Variants in SPATA22 observed in about 807,000 individuals in gnomAD.
The protein encoded by SPATA22 is spermatogenesis associated 22, also known as spermatogenesis-associated protein 22.
Under a neutral mutation model 47.8 loss-of-function variants are expected in SPATA22, and 29 were observed. The observed-to-expected ratio is 0.61, with a 90% confidence interval of 0.45 to 0.83. The LOEUF (loss-of-function observed/expected upper bound fraction) is 0.83. SPATA22 is among the 40% of genes least tolerant of loss of function. The pLI, the probability that SPATA22 is intolerant of heterozygous loss-of-function variation, is 0.00. For missense variants in SPATA22, 410 were observed against 421.7 expected (o/e 0.97, Z 0.24); for synonymous variants, 133 against 140.9 (o/e 0.94, Z 0.40).
chr17:3,504,323 A>C (rs75797569), intron 1 of SPATA22, among the ~76,000 whole-genome samples: 33,254 of 152,058 alleles, frequency 0.22, 3,924 homozygotes, highest in Non-Finnish European at 0.27. Context: ...ATAAATGAGC[A>C]TGCTCAAACA....
At chr17:3,471,181 G>A (rs2073425477) in intron 1 of SPATA22, among the ~76,000 whole-genome samples, 1 of 151,976 alleles carries the variant, frequency 6.6e-6, no homozygotes, top group African/African-American at 2.4e-5. Context: ...AGGAAGGGAG[G>A]GAGGGAAGGG....
At chr17:3,498,667 C>A (rs1052352993) in intron 1 of SPATA22, among the ~76,000 whole-genome samples, 1 of 152,150 alleles carries the variant, frequency 6.6e-6, no homozygotes, top group African/African-American at 2.4e-5. Flanking sequence ...GTTAATTACA[C>A]GTTTCAATTA....
At chr17:3,506,605 A>C (rs762670887) in intron 1 of SPATA22, among the ~76,000 whole-genome samples, 10 of 152,220 alleles carry the variant, frequency 6.6e-5, no homozygotes, top group Non-Finnish European at 8.8e-5. Flanking sequence ...GCTCAAGAGC[A>C]TAGAGAGCAT....
intron 1 of SPATA22, among the ~76,000 whole-genome samples, chr17:3,507,802 T>C (rs1443665328): frequency 1.3e-5 from 2 of 152,210 alleles, no homozygotes; most frequent in Non-Finnish European, 2.9e-5. Flanking sequence ...GAAGGAATCC[T>C]TTGGGGAGGT....
intron 1 of SPATA22, among the ~76,000 whole-genome samples, chr17:3,483,970 T>A (rs768948382): frequency 3.3e-5 from 5 of 152,132 alleles, no homozygotes; most frequent in African/African-American, 9.7e-5. Flanking sequence ...AAATTATTTT[T>A]AAAAAAACAT....
At position 3,490,923 on chromosome 17, in the gene SPATA22, G is replaced by C. The variant is rs2150755116; in HGVS notation, c.-73-21525C>G. Among the ~76,000 whole-genome samples the C allele has an allele frequency of 6.6e-6, 1 of 152,212 alleles. No homozygotes were observed. The highest frequency in any genetic ancestry group is 1.9e-4 in the East Asian group (1 of 5,174). On this transcript the variant is annotated intron_variant, in intron 1 of 8. Coordinates refer to the SPATA22 transcript ENST00000541913. The surrounding 1 kb of genome is among the most constrained non-coding windows in gnomAD (Gnocchi z 4.6). ...TGTGTAACATTTCATTTAAGCAAAG[G>C]ATTCGGCAAATCAAAAATTGTCAAC...
At chr17:3,497,186 G>A (rs997233252) in intron 1 of SPATA22, among the ~76,000 whole-genome samples, 1 of 152,190 alleles carries the variant, frequency 6.6e-6, no homozygotes, top group Admixed American at 6.5e-5. Flanking sequence ...CTCAGGTCTG[G>A]ATAGCACTGC....
chr17:3,466,006 C>G (rs1034886975), intron 3 of SPATA22, among the ~76,000 whole-genome samples: 4 of 151,260 alleles, frequency 2.6e-5, no homozygotes, highest in Admixed American at 2.0e-4. Flanking sequence ...TGGAGTATGA[C>G]CAGATAAATG....
At chr17:3,484,403 C>A (rs914366537) in intron 1 of SPATA22, among the ~76,000 whole-genome samples, 5 of 152,036 alleles carry the variant, frequency 3.3e-5, no homozygotes. Context: ...GTGATAAATG[C>A]TAAATAGGGG....
chr17:3,495,730 G>A (rs77700936), intron 1 of SPATA22, among the ~76,000 whole-genome samples: 5,548 of 152,044 alleles, frequency 0.036, 246 homozygotes, highest in East Asian at 0.22. Context: ...CACCACACCC[G>A]GCTAACTTTT....
intron 5 of SPATA22, among the ~76,000 whole-genome samples, chr17:3,451,821 C>T (rs2072867459): frequency 6.6e-6 from 1 of 151,806 alleles, no homozygotes; most frequent in South Asian, 2.1e-4. Flanking sequence ...GTGGCATGCA[C>T]CTGTAGTCCC....
upstream of SPATA22, chr17:3,475,889 A>G: frequency 2.1e-6 from 1 of 477,914 alleles, no homozygotes; most frequent in Non-Finnish European, 3.8e-6. Context: ...CATCTGAGGG[A>G]GTTAGAAGTT....
intron 5 of SPATA22, among the ~76,000 whole-genome samples, chr17:3,454,802 TG>T (rs1189821795): frequency 1.3e-5 from 2 of 152,178 alleles, no homozygotes; most frequent in Non-Finnish European, 2.9e-5. Flanking sequence ...TATAGTCCTT[TG>T]GGTATATACC....
In SPATA22 at chr17:3,462,809, G is replaced by A. The variant is rs148017344; in HGVS notation, c.173-42C>T. 4.7e-4 allele frequency: 683 copies of A among 1,439,294 alleles called. 4 individuals are homozygous for A. The African/African-American group carries it at 7.5e-3, about 16-fold the overall frequency. The allele number at this position is 1,439,294 out of a possible 1,614,324, so 89.2% of individuals were successfully genotyped here. A position where few individuals can be genotyped will look rare whatever the true frequency, so the allele number is the denominator to read the frequency against. ...AACATAGATAAAAGTAAGATAGGTAGTATTTTTCAAAATGATAAATTCATA... is the reference window on the plus strand; with the variant it reads ...AACATAGATAAAAGTAAGATAGGTAATATTTTTCAAAATGATAAATTCATA... On this transcript the variant is annotated intron_variant, in intron 3 of 8. Transcript: ENST00000572969.
rs993482693 is a variant in SPATA22, at chr17:3,469,424, G to T, written c.-73-26C>A. The T allele has an allele frequency of 5.6e-6, 5 of 899,432 alleles. No individual in the cohort carries two copies. The African/African-American group carries it at 6.8e-5, about 12-fold the overall frequency. The allele number at this position is 899,432 out of a possible 1,614,324, so 55.7% of individuals were successfully genotyped here. On this transcript the variant is annotated intron_variant, in intron 1 of 8. Transcript: ENST00000572969. ...CTGCAAAGAAAGAAACTTATAACTC[G>T]TATTGTCTCAACTATAAAACCCAAT...
At chr17:3,499,758 T>C (rs1417476281) in intron 1 of SPATA22, 1 of 152,258 alleles carries the variant, frequency 6.6e-6, no homozygotes, top group African/African-American at 2.4e-5. Flanking sequence ...TCTCTCCCTG[T>C]CCTCTGGCCT....
intron 1 of SPATA22, among the ~76,000 whole-genome samples, chr17:3,477,717 G>A (rs1442770708): frequency 6.6e-6 from 1 of 152,156 alleles, no homozygotes; most frequent in East Asian, 1.9e-4. Flanking sequence ...GCCTCCCAAA[G>A]TGCTGGGATT....
At position 3,457,093 on chromosome 17, in the gene SPATA22, T is replaced by C. The variant is rs1299937236; in HGVS notation, c.329+5390A>G. Among the ~76,000 whole-genome samples the C allele has an allele frequency of 2.0e-5, 3 of 152,158 alleles. No homozygotes were observed. In the East Asian group the frequency reaches 5.8e-4, roughly 29 times the overall value. ...TATGACAAACCCACAGCCAATATCA[T>C]ACTGAATGGGCAAAAACTGGAAGCA... is the stretch of plus-strand genomic sequence containing the variant. On this transcript the variant is annotated intron_variant, in intron 5 of 8. Coordinates refer to ENST00000572969, the MANE Select transcript of SPATA22 (RefSeq NM_001170698.2).
intron 1 of SPATA22, among the ~76,000 whole-genome samples, chr17:3,487,856 G>A (rs1886788703): frequency 6.6e-6 from 1 of 152,182 alleles, no homozygotes; most frequent in South Asian, 2.1e-4. Flanking sequence ...GTAGGCAAAC[G>A]ACAATGTATT....
Sources: gnomAD v4.1 joint callset for allele counts (sites outside exome capture counted in the v4.1 genomes callset) on GRCh38, gnomAD v4.1.1 for gene constraint, Gnocchi (gnomAD v3.1) non-coding constraint, MANE v1.5 for transcripts, NCBI Gene and HGNC (gene_info 2026-07-23, HGNC 2026-07-21) for gene names.